The following FLT4 variants were observed in gnomAD, a reference collection of about 807,000 sequenced individuals.
FLT4 encodes fms related receptor tyrosine kinase 4.
In FLT4, 30 loss-of-function variants were observed where a neutral mutation model predicts 163.2. The observed-to-expected ratio is 0.18, with a 90% confidence interval of 0.14 to 0.25. FLT4 has a LOEUF of 0.25. Ranked by LOEUF, FLT4 falls within the 10% of genes least tolerant of loss-of-function variation. The pLI is 1.00. For synonymous variants in FLT4, 884 were observed against 789.5 expected, an observed-to-expected ratio of 1.12 and a Z score of -2.01; for missense variants, 1,510 against 1,863.8, an observed-to-expected ratio of 0.81 and a Z score of 3.50.
At chr5:180,642,206 G>GAAAA (rs56315811) in intron 1 of FLT4, among the ~76,000 whole-genome samples, 2 of 132,190 alleles carry the variant, frequency 1.5e-5, no homozygotes, top group African/African-American at 5.6e-5. Context: ...GACTCTGTGT[G>GAAAA]AAAAAAAAAA....
intron 20 of FLT4, 39 bp from the exon 21 acceptor site, chr5:180,618,959 T>A (rs1762894817): frequency 6.4e-7 from 1 of 1,557,836 alleles, no homozygotes; most frequent in South Asian, 1.2e-5. Context: ...CGCCCAGTCG[T>A]CCGCCGCAGA....
intron 29 of FLT4, among the ~76,000 whole-genome samples, chr5:180,608,540 T>TA (rs1761931255): frequency 6.6e-6 from 1 of 152,170 alleles, no homozygotes; most frequent in Non-Finnish European, 1.5e-5. Context: ...GAACACCCGC[T>TA]AAGCCCCACA....
At position 180,629,788 on chromosome 5, in the gene FLT4, G is replaced by C; in HGVS notation, c.724C>G (p.Leu242Val). 1 of 1,612,538 alleles carries C rather than the reference G, an allele frequency of 6.2e-7. No homozygotes were observed. Among genetic ancestry groups the C allele is most frequent in the Non-Finnish European group, 8.5e-7 (1 of 1,179,884 alleles). The change falls in exon 6 of 30, where the codon CTG (leucine) becomes GTG (valine). Residue 242 changes from leucine (L) to valine (V), a missense_variant. Around this residue, in one of 5 missense-constraint regions of FLT4, gnomAD observed 163 missense variants for 281.1 expected, o/e 0.58. Coordinates refer to ENST00000261937, the MANE Select transcript of FLT4 (RefSeq NM_182925.5). ...AGGACCAGCTTCTCCCCTACCAGCA[G>C]CTCCAGCGACTTCCTGGGCAACAGC... ...IQLLPRKSLE[L>V]LVGEKLVLNC...
At chr5:180,606,778 G>A (rs1761808803) in intron 29 of FLT4, among the ~76,000 whole-genome samples, 1 of 152,120 alleles carries the variant, frequency 6.6e-6, no homozygotes, top group East Asian at 1.9e-4. Flanking sequence ...CACCTGATGA[G>A]CTGGGCGTGG....
intron 14 of FLT4, 28 bp downstream of exon 14, chr5:180,621,078 T>A (rs761582371): frequency 1.2e-6 from 2 of 1,612,680 alleles, no homozygotes; most frequent in Non-Finnish European, 1.7e-6. Context: ...CCTCCGGACC[T>A]GCCCTTCGCC....
At position 180,603,060 on chromosome 5, in the gene FLT4, C is replaced by T; in HGVS notation, c.*132G>A. The T allele has an allele frequency of 1.1e-6, 1 of 886,330 alleles. No individual in the cohort carries two copies. The highest frequency in any genetic ancestry group is 1.5e-5 in the South Asian group (1 of 68,012). 54.9% of individuals were successfully genotyped at this position (886,330 alleles called of 1,614,324 possible). A position where few individuals can be genotyped will look rare whatever the true frequency, so the allele number is the denominator to read the frequency against. On this transcript the variant is annotated 3_prime_UTR_variant, in exon 30 of 30. Transcript: ENST00000261937. ...GTCCTGCTCTTCCTAGCTGGGAAGTCTGCAGAGAGGGAAGAGGACACTCCT... is the reference window on the plus strand; with the variant it reads ...GTCCTGCTCTTCCTAGCTGGGAAGTTTGCAGAGAGGGAAGAGGACACTCCT...
chr5:180,622,930 C>CT (rs1052187356), intron 11 of FLT4, 91 bp from the exon 12 acceptor site: 19 of 791,812 alleles, frequency 2.4e-5, no homozygotes, highest in Admixed American at 6.0e-5. Context: ...TGTGCACCAC[C>CT]CCCCCCAATC....
chr5:180,610,062 T>C (rs2127788992), intron 27 of FLT4, 37 bp from the exon 28 acceptor site: 1 of 1,613,368 alleles, frequency 6.2e-7, no homozygotes, highest in African/African-American at 1.3e-5. Context: ...AGGAACGCGC[T>C]GCAGCAACCC....
Position 180,611,773 on chromosome 5 carries a change from C to G in FLT4, c.3538-294G>C. On this transcript the variant is annotated intron_variant, in intron 26 of 29. Transcript: ENST00000261937. Reference sequence around the variant, plus strand: ...AACCAGCACATCTCAGCCATCAAGACAGATAAGGGGTCAAGGTAGCAGAAT... The same window carrying G: ...AACCAGCACATCTCAGCCATCAAGAGAGATAAGGGGTCAAGGTAGCAGAAT... 5.8e-6 allele frequency: 3 copies of G among 521,634 alleles called. 1 individual carries two copies. Among genetic ancestry groups the G allele is most frequent in the Non-Finnish European group, 1.0e-5 (3 of 286,020 alleles). 32.3% of individuals were successfully genotyped at this position (521,634 alleles called of 1,614,324 possible).
rs1392176864 is a variant in FLT4, at chr5:180,620,635, G to A, written c.2380C>T (p.Leu794Phe). 1.9e-6 allele frequency: 3 copies of A among 1,612,866 alleles called. No individual in the cohort carries two copies. The highest frequency in any genetic ancestry group is 1.3e-5 in the African/African-American group (1 of 74,916). ...CTCCTCATGTTACAGAAGATGAGGA[G>A]GAGGAGGACCCAGAAGAAGACAGCG... ...VIAVFFWVLL[L>F]LIFCNMRRPA... Residue 794 changes from leucine to phenylalanine, a missense_variant, in exon 16 of 30, where the codon CTC becomes TTC. Leu to Phe is a conservative substitution (Grantham distance 22). Transcript: ENST00000261937. This position sits in a 1 kb window ranked among gnomAD's most constrained non-coding sequence, Gnocchi z 4.4.
chr5:180,630,690 C>G lies in FLT4; in HGVS notation c.265G>C (p.Ala89Pro). The change falls in exon 3 of 30, where the codon GCC (alanine) becomes CCC (proline). Residue 89 changes from alanine (A) to proline (P), a missense_variant. Physicochemically the swap from Ala to Pro is conservative, Grantham distance 27. Around this residue, in one of 5 missense-constraint regions of FLT4, gnomAD observed 157 missense variants for 178.7 expected, o/e 0.88. Coordinates refer to ENST00000261937, the MANE Select transcript of FLT4 (RefSeq NM_182925.5). The surrounding 1 kb of genome is among the most constrained non-coding windows in gnomAD (Gnocchi z 6.3). ...GVVRDCEGTD[A>P]RPYCKVLLLH... ...AGCAACACCTTGCAGTAGGGCCTGG[C>G]GTCTGTGCCCTCGCAGTCTCGCACC... 1 of 1,612,976 alleles carries G rather than the reference C, an allele frequency of 6.2e-7. No homozygotes were observed. Among genetic ancestry groups the G allele is most frequent in the Non-Finnish European group, 8.5e-7 (1 of 1,179,974 alleles).
At chr5:180,643,825 GTT>G (rs573767056) in intron 1 of FLT4, among the ~76,000 whole-genome samples, 7 of 143,690 alleles carry the variant, frequency 4.9e-5, no homozygotes, top group Non-Finnish European at 3.1e-5. Flanking sequence ...CTTTTAACAG[GTT>G]TTTTTTTTTT....
chr5:180,615,164 C>T (rs1339928502), intron 23 of FLT4, among the ~76,000 whole-genome samples: 1 of 147,226 alleles, frequency 6.8e-6, no homozygotes. Context: ...GGTCACCTCC[C>T]TTCTCCACTT....
In FLT4 at chr5:180,621,826, T is replaced by C; in HGVS notation, c.1736A>G (p.Gln579Arg). 6.2e-7 allele frequency: 1 copy of C among 1,613,310 alleles called. No homozygotes were observed. The highest frequency in any genetic ancestry group is 8.5e-7 in the Non-Finnish European group (1 of 1,179,944). Residue 579 changes from glutamine to arginine, a missense_variant, in exon 13 of 30, where the codon CAA (glutamine) becomes CGA (arginine). Coordinates refer to ENST00000261937, the MANE Select transcript of FLT4 (RefSeq NM_182925.5). The stretch of plus-strand genomic sequence containing the variant: ...ATGCTCGTACTTGTAGCTGTCGGCT[T>C]GGCAGCTCAGGAGCACCGGCTGGCC... Reference protein sequence around the residue: ...LEGQPVLLSCQADSYKYEHLR... With the variant: ...LEGQPVLLSCRADSYKYEHLR...
Position 180,613,015 on chromosome 5 carries a change from C to A in FLT4, c.3427G>T (p.Ala1143Ser), listed in dbSNP as rs564369853. Residue 1143 changes from alanine (A) to serine (S), a missense_variant, in exon 25 of 30, where the codon GCC (alanine) becomes TCC (serine). By Grantham distance (99) the Ala-to-Ser change is moderately conservative (BLOSUM62 1). This residue lies in a region of FLT4 where 295 missense variants were observed against 311.0 expected (regional missense o/e 0.95). Transcript: ENST00000261937. Reference protein sequence around the residue: ...RMRAPELATPAIRRIMLNCWS... With the variant: ...RMRAPELATPSIRRIMLNCWS... ...CAGGGCCATGGGGAGGCTCACATGG[C>A]GGGAGTGGCCAGCTCCGGGGCCCTC... is the stretch of plus-strand genomic sequence containing the variant. 12 of 1,610,808 alleles carry A rather than the reference C, an allele frequency of 7.4e-6. No individual in the cohort carries two copies. Among genetic ancestry groups the A allele is most frequent in the African/African-American group, 2.7e-5 (2 of 74,858 alleles).
chr5:180,605,910 G>C lies in FLT4; in HGVS notation c.3894-2520C>G, dbSNP rs181707512. The stretch of plus-strand genomic sequence containing the variant: ...AGGGGCTGGATGATGTAACCCAGGA[G>C]TGAGGAGGTGAACCCCCATGGGGCG... On this transcript the variant is annotated intron_variant, in intron 29 of 29. Transcript: ENST00000261937. Among the ~76,000 whole-genome samples, 391 of 152,348 alleles carry C rather than the reference G, an allele frequency of 2.6e-3. 1 individual carries two copies. Among genetic ancestry groups the C allele is most frequent in the African/African-American group, 8.9e-3 (372 of 41,578 alleles).
At chr5:180,607,232 T>A (rs1761851059) in intron 29 of FLT4, among the ~76,000 whole-genome samples, 1 of 152,238 alleles carries the variant, frequency 6.6e-6, no homozygotes, top group African/African-American at 2.4e-5. Context: ...TCACTTTCTA[T>A]CTGGGATATG....
intron 1 of FLT4, among the ~76,000 whole-genome samples, chr5:180,633,222 C>T (rs1764314612): frequency 6.6e-6 from 1 of 152,206 alleles, no homozygotes; most frequent in Non-Finnish European, 1.5e-5. Flanking sequence ...CTGGCCTCTC[C>T]CTTCTTCTAT....
chr5:180,647,656 G>C (rs1460972284), intron 1 of FLT4, among the ~76,000 whole-genome samples: 2 of 151,808 alleles, frequency 1.3e-5, no homozygotes, highest in Non-Finnish European at 2.9e-5. Context: ...TCAAGCTGGG[G>C]GCTCCCGGGG....
Sources: gnomAD v4.1 joint callset for allele counts (sites outside exome capture counted in the v4.1 genomes callset) on GRCh38, gnomAD v4.1.1 for gene constraint, gnomAD v4.1.1 regional missense constraint, Gnocchi (gnomAD v3.1) non-coding constraint, MANE v1.5 for transcripts, NCBI Gene and HGNC (gene_info 2026-07-23, HGNC 2026-07-21) for gene names.